WDR11: variants seen among roughly 807,000 people sequenced by gnomAD.
WDR11 encodes WD repeat domain 11, also known as WD repeat-containing protein 11.
Under a neutral mutation model 151.2 loss-of-function variants are expected in WDR11, and 83 were observed. The observed-to-expected ratio is 0.55, with a 90% CI of 0.46 to 0.66. The LOEUF (loss-of-function observed/expected upper bound fraction) is 0.66. Ranked by LOEUF, WDR11 falls within the 30% of genes least tolerant of loss-of-function variation. The pLI, the probability that WDR11 is intolerant of heterozygous loss-of-function variation, is 0.00. For missense variants in WDR11, 1,301 were observed against 1,480.9 expected (o/e 0.88, Z 1.99); for synonymous variants, 484 against 533.1 (o/e 0.91, Z 1.27).
intron 11 of WDR11, among the ~76,000 whole-genome samples, chr10:120,875,066 T>G (rs1463358581): frequency 6.6e-6 from 1 of 151,994 alleles, no homozygotes; most frequent in African/African-American, 2.4e-5. Flanking sequence ...ACATGCAGTG[T>G]TTGGTTTTCT....
chr10:120,903,727 A>C, intron 23 of WDR11, among the ~76,000 whole-genome samples: 1 of 152,224 alleles, frequency 6.6e-6, no homozygotes, highest in Admixed American at 6.5e-5. Context: ...AATACTTTAT[A>C]CACTTGGTTT....
intron 2 of WDR11, among the ~76,000 whole-genome samples, chr10:120,853,392 AGTAG>A (rs1323353028): frequency 6.6e-6 from 1 of 151,838 alleles, no homozygotes; most frequent in African/African-American, 2.4e-5. Context: ...CAGCCTCCTG[AGTAG>A]CTGGGACTAC....
chr10:120,883,986 C>T, intron 14 of WDR11, 98 bp downstream of exon 14: 1 of 1,009,356 alleles, frequency 9.9e-7, no homozygotes, highest in Non-Finnish European at 1.5e-6. Context: ...CTGCCAATGT[C>T]ATTTTTTTGG....
In WDR11 at chr10:120,893,650, A is replaced by G. The variant is rs371913661; in HGVS notation, c.2515+2763A>G. 3.6e-4 allele frequency among the ~76,000 whole-genome samples: 55 copies of G among 151,250 alleles called. No homozygotes were observed. The East Asian group carries it at 9.0e-3, about 25-fold the overall frequency. The stretch of plus-strand genomic sequence containing the variant: ...CCACCAACAGTGTAAAAGTGTTCCT[A>G]TTTCTCCACATCCTCTCCAGCACCT... On this transcript the variant is annotated intron_variant, in intron 19 of 28. Transcript: ENST00000263461.
chr10:120,900,085 T>G lies in WDR11; in HGVS notation c.2572T>G (p.Phe858Val). The G allele has an allele frequency of 1.2e-6, 2 of 1,614,162 alleles. No homozygotes were observed. The highest frequency in any genetic ancestry group is 3.3e-4 in the Middle Eastern group (2 of 6,062). The stretch of plus-strand genomic sequence containing the variant: ...AAGGGCCTCTCTTGCCTTGAAAGCC[T>G]TCTTATTACACCAGCCTTGGAATGG... ...VPRASLALKA[F>V]LLHQPWNGQY... The change falls in exon 20 of 29, where the codon TTC becomes GTC. Residue 858 changes from phenylalanine to valine, a missense_variant. Coordinates refer to ENST00000263461, the MANE Select transcript of WDR11 (RefSeq NM_018117.12).
chr10:120,853,206 A>G (rs1845839895), intron 2 of WDR11, among the ~76,000 whole-genome samples: 1 of 152,198 alleles, frequency 6.6e-6, no homozygotes, highest in Admixed American at 6.5e-5. Context: ...GTGATGAAAT[A>G]AGAGGCAGCC....
At chr10:120,868,458 A>G (rs1419158758) in intron 9 of WDR11, among the ~76,000 whole-genome samples, 3 of 152,320 alleles carry the variant, frequency 2.0e-5, no homozygotes, top group Non-Finnish European at 4.4e-5. Context: ...CTCGATCTCA[A>G]AAACAAAAAA....
rs147244489 is a variant in WDR11 at position 120,858,732 on chromosome 10, C to T, written c.288C>T (p.Ile96=). The T allele has an allele frequency of 9.5e-5, 154 of 1,614,026 alleles. No individual in the cohort carries two copies. In the African/African-American group the frequency reaches 1.6e-3, roughly 17 times the overall value. The change falls in exon 3 of 29, where the codon ATC becomes ATT. Residue 96 remains isoleucine, a synonymous_variant. Coordinates refer to ENST00000263461, the MANE Select transcript of WDR11 (RefSeq NM_018117.12). The part of the protein sequence containing the change: ...LASADVNGKI[I]VWDVAAGVAQ... Reference sequence around the variant, plus strand: ...CTGCTGATGTCAATGGGAAGATCATCGTCTGGGATGTAGCAGCAGGAGTAG... The same window carrying T: ...CTGCTGATGTCAATGGGAAGATCATTGTCTGGGATGTAGCAGCAGGAGTAG...
At chr10:120,867,969 T>G (rs977374682) in intron 9 of WDR11, among the ~76,000 whole-genome samples, 5 of 152,236 alleles carry the variant, frequency 3.3e-5, no homozygotes, top group African/African-American at 1.2e-4. Context: ...ATTTCAAATT[T>G]TATGCTACTT....
Position 120,866,695 on chromosome 10 carries a change from T to G in WDR11, c.1121T>G (p.Val374Gly). Residue 374 changes from valine to glycine, a missense_variant, in exon 8 of 29, where the codon GTA becomes GGA. Coordinates refer to ENST00000263461, the MANE Select transcript of WDR11 (RefSeq NM_018117.12). Reference sequence around the variant, plus strand: ...GTCAATGAGAATGCAGCCGCCCTCGTAGTGAGTGATGGCAGGGTCATGATA... The same window carrying G: ...GTCAATGAGAATGCAGCCGCCCTCGGAGTGAGTGATGGCAGGGTCATGATA... The part of the protein sequence containing the change: ...CPVNENAAAL[V>G]VSDGRVMIWE... The G allele has an allele frequency of 6.2e-7, 1 of 1,614,126 alleles. No homozygotes were observed. The highest frequency in any genetic ancestry group is 8.5e-7 in the Non-Finnish European group (1 of 1,180,018).
At position 120,883,667 on chromosome 10, in the gene WDR11, T is replaced by A; in HGVS notation, c.1740-113T>A. ...GTGCTAAATGGTAGTTTAAATTGTC[T>A]ATATTTAGAATGCGTCAGCTGAGTT... On this transcript the variant is annotated intron_variant, in intron 13 of 28. Coordinates refer to ENST00000263461, the MANE Select transcript of WDR11 (RefSeq NM_018117.12). 5 of 821,608 alleles carry A rather than the reference T, an allele frequency of 6.1e-6. No individual in the cohort carries two copies. The Admixed American group carries it at 1.0e-4, about 16-fold the overall frequency. 50.9% of individuals were successfully genotyped at this position (821,608 alleles called of 1,614,324 possible).
Position 120,909,441 on chromosome 10 carries a change from G to A in WDR11, c.*728G>A, listed in dbSNP as rs1848206844. On this transcript the variant is annotated 3_prime_UTR_variant, in exon 29 of 29. Transcript: ENST00000263461. ...CTCTCTGTTCTAATAGTTGAAGTAT[G>A]AGATGTAACTATTATAAACTGTTGC... 1 of 152,736 alleles carries A rather than the reference G, an allele frequency of 6.5e-6. No individual in the cohort carries two copies. The highest frequency in any genetic ancestry group is 2.1e-4 in the South Asian group (1 of 4,832). 9.5% of individuals were successfully genotyped at this position (152,736 alleles called of 1,614,324 possible).
chr10:120,851,722 C>A, intron 1 of WDR11: 1 of 616,800 alleles, frequency 1.6e-6, no homozygotes. Flanking sequence ...TACATTTCCC[C>A]TCTTTCTCGC....
chr10:120,872,299 T>C (rs1846574882), intron 10 of WDR11, among the ~76,000 whole-genome samples: 2 of 152,226 alleles, frequency 1.3e-5, no homozygotes, highest in South Asian at 4.1e-4. Flanking sequence ...CAGATAAATG[T>C]TTAATTTTTG....
At chr10:120,858,171 AAGAG>A (rs980096931) in intron 2 of WDR11, among the ~76,000 whole-genome samples, 1 of 152,072 alleles carries the variant, frequency 6.6e-6, no homozygotes, top group Non-Finnish European at 1.5e-5. Context: ...TGTTTTGTGA[AAGAG>A]AGAGACAGCT....
chr10:120,902,425 T>C (rs1037655610), intron 22 of WDR11, 103 bp downstream of exon 22: 50 of 951,192 alleles, frequency 5.3e-5, no homozygotes, highest in Non-Finnish European at 7.6e-5. Context: ...GAAAAATGTA[T>C]CAGTTCATCC....
At chr10:120,871,129 AC>A (rs778895146) in intron 9 of WDR11, 40 bp from the exon 10 acceptor site, 1 of 1,602,152 alleles carries the variant, frequency 6.2e-7, no homozygotes. Context: ...AGATCAGCAT[AC>A]ACTGTAGTTA....
intron 27 of WDR11, chr10:120,906,454 G>A (rs778583961): frequency 3.2e-5 from 40 of 1,260,038 alleles, no homozygotes; most frequent in Non-Finnish European, 3.9e-5. Flanking sequence ...ACTAAGGGAG[G>A]TAGATTACGG....
At chr10:120,875,200 C>G (rs1047175550) in intron 11 of WDR11, among the ~76,000 whole-genome samples, 1 of 152,172 alleles carries the variant, frequency 6.6e-6, no homozygotes, top group Non-Finnish European at 1.5e-5. Context: ...ATCAGTAGGA[C>G]TGCTTATGAC....
Sources: allele counts gnomAD v4.1 joint callset (sites outside exome capture counted in the v4.1 genomes callset), GRCh38; gene constraint gnomAD v4.1.1; transcripts MANE v1.5; gene names NCBI Gene and HGNC (gene_info 2026-07-23, HGNC 2026-07-21).